Variants in SULF1 observed in about 807,000 individuals in gnomAD.
SULF1 encodes sulfatase 1.
Under a neutral mutation model 110.5 loss-of-function variants are expected in SULF1, and 46 were observed. That is an observed-to-expected ratio of 0.42 (90% CI 0.33 to 0.53). The LOEUF (loss-of-function observed/expected upper bound fraction) is 0.53. Among genes scored for constraint, SULF1 ranks in the 20% least tolerant of loss-of-function variants. The pLI, the probability that SULF1 is intolerant of heterozygous loss-of-function variation, is 0.12. For missense variants in SULF1, 941 were observed against 1,094.2 expected, an observed-to-expected ratio of 0.86 and a Z score of 1.98; for synonymous variants, 371 against 387.1, an observed-to-expected ratio of 0.96 and a Z score of 0.49.
intron 3 of SULF1, among the ~76,000 whole-genome samples, chr8:69,556,171 T>G (rs547353017): frequency 6.6e-6 from 1 of 152,132 alleles, no homozygotes; most frequent in Non-Finnish European, 1.5e-5. Flanking sequence ...GGTATGTGCA[T>G]GTAGAGAAAG....
intron 1 of SULF1, among the ~76,000 whole-genome samples, chr8:69,483,647 G>A (rs1204540960): frequency 4.6e-5 from 7 of 152,068 alleles, no homozygotes; most frequent in Admixed American, 3.9e-4. Flanking sequence ...TTGCCGGCAC[G>A]GTGGCTCACA....
At chr8:69,477,927 G>A (rs1328384062) in intron 1 of SULF1, among the ~76,000 whole-genome samples, 1 of 151,974 alleles carries the variant, frequency 6.6e-6, no homozygotes, top group Non-Finnish European at 1.5e-5. Context: ...TGTGATCATG[G>A]CTCATTGCAG....
intron 1 of SULF1, among the ~76,000 whole-genome samples, chr8:69,474,882 C>G (rs979761787): frequency 6.6e-6 from 1 of 152,102 alleles, no homozygotes; most frequent in South Asian, 2.1e-4. Flanking sequence ...GAATATAGAA[C>G]AGAGAAACTG....
rs1177080442 is a variant in SULF1 at position 69,553,124 on chromosome 8, T to C, written c.-133-10415T>C. 2.6e-5 allele frequency among the ~76,000 whole-genome samples: 4 copies of C among 152,244 alleles called. No individual in the cohort carries two copies. The East Asian group carries it at 7.7e-4, about 29-fold the overall frequency. ...CACATTAGCTCTCCAAAGTCAGGCT[T>C]GCTAACCTCCTTTCTCATATATGAT... On this transcript the variant is annotated intron_variant, in intron 3 of 22. Transcript: ENST00000402687.
rs1812944121 is a variant in SULF1 at position 69,659,108 on chromosome 8, G to A, written c.*573G>A. ...CACCCGAAAGAACTTCCCCAGTATG[G>A]TGGTCCTGGAAAGGACATTTTTGAA... On this transcript the variant is annotated 3_prime_UTR_variant, in exon 23 of 23. Transcript: ENST00000402687. The A allele has an allele frequency of 2.2e-6, 1 of 456,732 alleles. No individual in the cohort carries two copies. The highest frequency in any genetic ancestry group is 2.0e-5 in the African/African-American group (1 of 50,094). 28.3% of individuals were successfully genotyped at this position (456,732 alleles called of 1,614,324 possible).
rs1563546085 is a variant in SULF1 at position 69,575,980 on chromosome 8, A to G, written c.183A>G (p.Gln61=). ...CACTGTGCCTTTCAGGGTCCCTGCA[A>G]GTCATGAACAAAACGAGAAAGATTA... is the stretch of plus-strand genomic sequence containing the variant. The part of the protein sequence containing the change: ...DDQDVELGSL[Q]VMNKTRKIME... Residue 61 remains glutamine, a synonymous_variant, in exon 6 of 23, where the codon CAA becomes CAG. Coordinates refer to ENST00000402687, the MANE Select transcript of SULF1 (RefSeq NM_001128205.2). 6.2e-7 allele frequency: 1 copy of G among 1,613,884 alleles called. No homozygotes were observed. Among genetic ancestry groups the G allele is most frequent in the Non-Finnish European group, 8.5e-7 (1 of 1,179,880 alleles).
chr8:69,627,239 A>G lies in SULF1; in HGVS notation c.1880A>G (p.His627Arg). The G allele has an allele frequency of 6.2e-7, 1 of 1,614,060 alleles. No homozygotes were observed. Among genetic ancestry groups the G allele is most frequent in the Non-Finnish European group, 8.5e-7 (1 of 1,179,932 alleles). Residue 627 changes from histidine (H) to arginine (R), a missense_variant, in exon 16 of 23, where the codon CAT becomes CGT. By Grantham distance (29) the His-to-Arg change is conservative. This residue lies in a region of SULF1 where 822 missense variants were observed against 934.3 expected (regional missense o/e 0.88). Coordinates refer to ENST00000402687, the MANE Select transcript of SULF1 (RefSeq NM_001128205.2). ...KCFILPNDSI[H>R]CERELYQSAR... ...TTTATTCTTCCCAATGACTCTATCC[A>G]TTGTGAGAGAGAACTGTACCAATCG...
chr8:69,637,143 T>G (rs556296440), intron 19 of SULF1, among the ~76,000 whole-genome samples: 3 of 152,238 alleles, frequency 2.0e-5, no homozygotes, highest in Non-Finnish European at 4.4e-5. Flanking sequence ...TTTTTCACCT[T>G]TCTGATTTGT....
chr8:69,486,363 C>T (rs552149197), intron 1 of SULF1, among the ~76,000 whole-genome samples: 1 of 152,000 alleles, frequency 6.6e-6, no homozygotes, highest in East Asian at 1.9e-4. Flanking sequence ...AGGATTTGGA[C>T]CCAAGTCAGT....
intron 6 of SULF1, 29 bp downstream of exon 6, chr8:69,576,238 C>A: frequency 6.2e-7 from 1 of 1,604,266 alleles, no homozygotes; most frequent in Non-Finnish European, 8.5e-7. Flanking sequence ...AGCCCATGAA[C>A]GTCTTGTAAT....
chr8:69,606,853 ATG>A (rs1316828263), intron 13 of SULF1, among the ~76,000 whole-genome samples: 1 of 152,226 alleles, frequency 6.6e-6, no homozygotes, highest in Non-Finnish European at 1.5e-5. Context: ...TAGATCCATT[ATG>A]TGGATATATG....
At chr8:69,532,548 C>A (rs1813158595) in intron 3 of SULF1, among the ~76,000 whole-genome samples, 1 of 152,160 alleles carries the variant, frequency 6.6e-6, no homozygotes, top group African/African-American at 2.4e-5. Context: ...CTAGTGTTTT[C>A]ACAAGCCTCT....
At chr8:69,626,892 C>A (rs569499823) in intron 15 of SULF1, among the ~76,000 whole-genome samples, 1 of 152,260 alleles carries the variant, frequency 6.6e-6, no homozygotes, top group Non-Finnish European at 1.5e-5. Flanking sequence ...CCGGCACTGG[C>A]CTTGGCCAGC....
At chr8:69,631,341 G>A (rs960416261) in intron 19 of SULF1, among the ~76,000 whole-genome samples, 2 of 151,876 alleles carry the variant, frequency 1.3e-5, no homozygotes, top group Non-Finnish European at 1.5e-5. Flanking sequence ...TCTTACCTCG[G>A]CCACTGCCAG....
Position 69,487,233 on chromosome 8 carries a change from T to C in SULF1, c.-390-8532T>C, listed in dbSNP as rs191480849. Among the ~76,000 whole-genome samples the C allele has an allele frequency of 9.3e-4, 142 of 152,328 alleles. 1 individual carries two copies. The highest frequency in any genetic ancestry group is 3.2e-3 in the African/African-American group (133 of 41,568). On this transcript the variant is annotated intron_variant, in intron 1 of 22. Transcript: ENST00000260128. The stretch of plus-strand genomic sequence containing the variant: ...GTACTTTTTAATCCTAGTCAGGTTA[T>C]TGCTAAGGATAAATGATTTCACATT...
At chr8:69,505,246 C>A (rs990001505) in intron 3 of SULF1, among the ~76,000 whole-genome samples, 1 of 152,138 alleles carries the variant, frequency 6.6e-6, no homozygotes, top group Non-Finnish European at 1.5e-5. Flanking sequence ...GGGTTCTCAT[C>A]AAAAATGTTT....
intron 19 of SULF1, 88 bp from the exon 20 acceptor site, chr8:69,638,414 G>T (rs1421389490): frequency 7.0e-7 from 1 of 1,429,974 alleles, no homozygotes; most frequent in Admixed American, 2.5e-5. Flanking sequence ...ACTTTAAAGT[G>T]TAAAGATAAG....
At chr8:69,603,753 A>T in intron 12 of SULF1, 97 bp downstream of exon 12, 1 of 856,926 alleles carries the variant, frequency 1.2e-6, no homozygotes, top group Non-Finnish European at 2.0e-6. Context: ...TTTACTAAGC[A>T]TGCAGATTTC....
intron 3 of SULF1, among the ~76,000 whole-genome samples, chr8:69,531,475 A>T (rs1284541528): frequency 6.6e-6 from 1 of 151,900 alleles, no homozygotes; most frequent in Admixed American, 6.6e-5. Context: ...TCAACTCACT[A>T]AGTGTTCTCT....
Sources: allele counts gnomAD v4.1 joint callset (sites outside exome capture counted in the v4.1 genomes callset), GRCh38; gene constraint gnomAD v4.1.1; regional missense constraint gnomAD v4.1.1; transcripts MANE v1.5; gene names NCBI Gene and HGNC (gene_info 2026-07-23, HGNC 2026-07-21).